The following CDK19 variants were observed in gnomAD, a reference collection of about 807,000 sequenced individuals.
The protein encoded by CDK19 is cyclin-dependent kinase 19.
CDK19 carries 20 observed loss-of-function variants against 68.3 expected under a neutral mutation model. That is an observed-to-expected ratio of 0.29 (90% CI 0.21 to 0.43). The LOEUF is 0.43. CDK19 is among the 20% of genes least tolerant of loss of function. CDK19 has a pLI of 1.00. For synonymous variants in CDK19, 221 were observed against 222.8 expected, an observed-to-expected ratio of 0.99 and a Z score of 0.07; for missense variants, 339 against 623.5, an observed-to-expected ratio of 0.54 and a Z score of 4.86.
intron 1 of CDK19, chr6:110,814,580 G>T: frequency 8.7e-6 from 4 of 457,968 alleles, no homozygotes; most frequent in Non-Finnish European, 1.8e-5. Context: ...CGCCGCCCCC[G>T]CGAGGCGCTC....
chr6:110,729,543 C>CT (rs997749254), intron 2 of CDK19, among the ~76,000 whole-genome samples: 41 of 152,022 alleles, frequency 2.7e-4, no homozygotes, highest in Non-Finnish European at 5.6e-4. Context: ...AGTCTCATGC[C>CT]TCAGCCTCCC....
At position 110,611,101 on chromosome 6, in the gene CDK19, T is replaced by C. The variant is rs1474969382; in HGVS notation, c.*3434A>G. On this transcript the variant is annotated 3_prime_UTR_variant, in exon 13 of 13. Coordinates refer to ENST00000368911, the MANE Select transcript of CDK19 (RefSeq NM_015076.5). ...TTGGTCTTTGTATGTCACTGCATGATCTACTTCATCACAAGGATTGTTTCA... is the reference window on the plus strand; with the variant it reads ...TTGGTCTTTGTATGTCACTGCATGACCTACTTCATCACAAGGATTGTTTCA... 2.0e-5 allele frequency: 3 copies of C among 152,212 alleles called. No individual in the cohort carries two copies. The highest frequency in any genetic ancestry group is 2.0e-4 in the Admixed American group (3 of 15,284). 9.4% of individuals were successfully genotyped at this position (152,212 alleles called of 1,614,324 possible). A position where few individuals can be genotyped will look rare whatever the true frequency, so the allele number is the denominator to read the frequency against.
At chr6:110,807,246 T>C (rs538809604) in intron 1 of CDK19, among the ~76,000 whole-genome samples, 295 of 152,062 alleles carry the variant, frequency 1.9e-3, no homozygotes, top group Non-Finnish European at 3.5e-3. Flanking sequence ...CAGACTTGCT[T>C]GAGCCCAGGC....
chr6:110,728,203 G>C (rs1466497620), intron 2 of CDK19, among the ~76,000 whole-genome samples: 1 of 151,154 alleles, frequency 6.6e-6, no homozygotes, highest in African/African-American at 2.4e-5. Flanking sequence ...CAGCAGAATT[G>C]CTTGAACCTG....
intron 1 of CDK19, among the ~76,000 whole-genome samples, chr6:110,766,189 T>A (rs3021290): frequency 0.34 from 51,908 of 152,064 alleles, 10,362 homozygotes; most frequent in East Asian, 0.68. Flanking sequence ...GAAGATAAGG[T>A]ATCAACCTAA....
At chr6:110,661,589 ACAGGTATGTGC>A (rs1781622062) in intron 4 of CDK19, among the ~76,000 whole-genome samples, 1 of 152,196 alleles carries the variant, frequency 6.6e-6, no homozygotes, top group African/African-American at 2.4e-5. Flanking sequence ...AGCTGGGACT[ACAGGTATGTGC>A]CACCCTACCC....
At chr6:110,674,760 G>C (rs1771339332) in intron 2 of CDK19, among the ~76,000 whole-genome samples, 1 of 152,048 alleles carries the variant, frequency 6.6e-6, no homozygotes. Flanking sequence ...AAATTAGCTG[G>C]GCGTAGTGGC....
intron 4 of CDK19, among the ~76,000 whole-genome samples, chr6:110,663,886 AGTAAATGTGTGG>A (rs1781761424): frequency 6.6e-6 from 1 of 152,182 alleles, no homozygotes; most frequent in Admixed American, 6.5e-5. Context: ...GGAGGCATTC[AGTAAATGTGTGG>A]GTAAAATATA....
At chr6:110,629,420 AAACCTCCACTG>A (rs1332468497) in intron 6 of CDK19, among the ~76,000 whole-genome samples, 1 of 152,086 alleles carries the variant, frequency 6.6e-6, no homozygotes, top group Non-Finnish European at 1.5e-5. Flanking sequence ...GTCACTCCAC[AAACCTCCACTG>A]ATATCAAATG....
chr6:110,766,041 A>G (rs1027295847), intron 1 of CDK19, among the ~76,000 whole-genome samples: 3 of 152,212 alleles, frequency 2.0e-5, no homozygotes, highest in Non-Finnish European at 1.5e-5. Flanking sequence ...CAGTATGAAC[A>G]TTCCTCAAAA....
At chr6:110,670,347 T>C (rs943058727) in intron 3 of CDK19, 84 bp downstream of exon 3, 2 of 636,424 alleles carry the variant, frequency 3.1e-6, no homozygotes, top group Non-Finnish European at 5.4e-6. Context: ...CTTTCCTTTC[T>C]GTGCATTAAC....
intron 12 of CDK19, among the ~76,000 whole-genome samples, chr6:110,619,093 C>T (rs1524579): frequency 0.25 from 37,840 of 151,972 alleles, 5,147 homozygotes; most frequent in East Asian, 0.51. Context: ...CTGACTGCCC[C>T]TCATGCCAGT....
At chr6:110,713,270 C>T (rs1383557140) in intron 2 of CDK19, among the ~76,000 whole-genome samples, 1 of 151,218 alleles carries the variant, frequency 6.6e-6, no homozygotes, top group Non-Finnish European at 1.5e-5. Flanking sequence ...GTGATTTATC[C>T]TAGGGTTGTT....
intron 2 of CDK19, among the ~76,000 whole-genome samples, chr6:110,685,114 G>C (rs995892981): frequency 7.2e-5 from 11 of 152,036 alleles, no homozygotes; most frequent in Non-Finnish European, 1.6e-4. Context: ...TTCCAGCCTG[G>C]GCGACACAGC....
At chr6:110,637,209 A>C (rs1440117342) in intron 5 of CDK19, among the ~76,000 whole-genome samples, 1 of 152,240 alleles carries the variant, frequency 6.6e-6, no homozygotes, top group Non-Finnish European at 1.5e-5. Context: ...TGTCTCTCAC[A>C]GAAGGGACCA....
intron 2 of CDK19, among the ~76,000 whole-genome samples, chr6:110,705,115 AC>A (rs1162952435): frequency 6.6e-6 from 1 of 150,522 alleles, no homozygotes; most frequent in Non-Finnish European, 1.5e-5. Flanking sequence ...ATCTCAGCTC[AC>A]CGCAGCCTCT....
chr6:110,728,607 C>T (rs1776523238), intron 2 of CDK19, among the ~76,000 whole-genome samples: 1 of 151,850 alleles, frequency 6.6e-6, no homozygotes, highest in South Asian at 2.1e-4. Context: ...GTGTCATTTC[C>T]CTGCTAAAAC....
intron 2 of CDK19, among the ~76,000 whole-genome samples, chr6:110,731,457 AATGACTACT>A (rs1397223408): frequency 2.6e-4 from 40 of 152,322 alleles, no homozygotes; most frequent in Middle Eastern, 3.4e-3. Context: ...GGTAATGGGA[AATGACTACT>A]ACTGGGTACA....
intron 1 of CDK19, among the ~76,000 whole-genome samples, chr6:110,757,935 A>C (rs1778943817): frequency 6.6e-6 from 1 of 152,194 alleles, no homozygotes; most frequent in Non-Finnish European, 1.5e-5. Flanking sequence ...TCACATCTGT[A>C]ATCCCAGCAC....
Sources: gnomAD v4.1 joint callset for allele counts (sites outside exome capture counted in the v4.1 genomes callset) on GRCh38, gnomAD v4.1.1 for gene constraint, MANE v1.5 for transcripts, NCBI Gene and HGNC (gene_info 2026-07-23, HGNC 2026-07-21) for gene names.